Variants in MED12L observed in about 807,000 individuals in gnomAD.
MED12L encodes mediator of RNA polymerase II transcription subunit 12-like protein.
MED12L carries 60 observed loss-of-function variants against 281.3 expected under a neutral mutation model. The ratio of observed to expected loss-of-function variants is 0.21; its 90% CI spans 0.17 to 0.26. The LOEUF is 0.26. MED12L is among the 10% of genes least tolerant of loss of function. The pLI, the probability that MED12L is intolerant of heterozygous loss-of-function variation, is 1.00. For synonymous variants in MED12L, 974 were observed against 987.2 expected (o/e 0.99, Z 0.25); for missense variants, 2,146 against 2,680.9 (o/e 0.80, Z 4.41).
intron 16 of MED12L, among the ~76,000 whole-genome samples, chr3:151,347,013 G>A (rs1413093218): frequency 6.6e-6 from 1 of 152,000 alleles, no homozygotes; most frequent in East Asian, 1.9e-4. Context: ...TTTAACTAGT[G>A]GATACATCTT....
intron 16 of MED12L, among the ~76,000 whole-genome samples, chr3:151,280,670 C>G (rs1343126049): frequency 6.6e-6 from 1 of 151,674 alleles, no homozygotes; most frequent in Non-Finnish European, 1.5e-5. Context: ...TTTATTGGCA[C>G]GTAGCAGTAC....
chr3:151,287,715 AAAAGT>A (rs974495228), intron 16 of MED12L, among the ~76,000 whole-genome samples: 1 of 152,172 alleles, frequency 6.6e-6, no homozygotes, highest in Non-Finnish European at 1.5e-5. Context: ...AGGTTTATTA[AAAAGT>A]AAAGCATGTA....
chr3:151,417,576 C>G (rs1167427383), intron 43 of MED12L, among the ~76,000 whole-genome samples: 2 of 149,118 alleles, frequency 1.3e-5, no homozygotes, highest in African/African-American at 4.9e-5. Flanking sequence ...ACCTCCTCCT[C>G]CCAGGTTCAA....
chr3:151,361,309 C>T (rs12487835), intron 21 of MED12L, among the ~76,000 whole-genome samples: 31,139 of 151,822 alleles, frequency 0.21, 3,426 homozygotes, highest in South Asian at 0.31. Flanking sequence ...TTAAAATGAC[C>T]AGTACCCTCA....
Position 151,181,576 on chromosome 3 carries a change from C to CTTTTT in MED12L, c.1495-3731_1495-3727dup, listed in dbSNP as rs57658133. 6.8e-3 allele frequency among the ~76,000 whole-genome samples: 321 copies of CTTTTT among 47,104 alleles called. 10 individuals are homozygous for CTTTTT. Among genetic ancestry groups the CTTTTT allele is most frequent in the East Asian group, 0.013 (20 of 1,564 alleles). 30.9% of individuals were successfully genotyped at this position (47,104 alleles called of 152,430 possible). A position where few individuals can be genotyped will look rare whatever the true frequency, so the allele number is the denominator to read the frequency against. On this transcript the variant is annotated intron_variant, in intron 11 of 44. Transcript: ENST00000687756. ...CATGCCACTGTACTTAGCTCATTGT[C>CTTTTT]TTTTTTTTTTTTTTTTTTTTTTTTT...
At chr3:151,193,716 T>C (rs1355631984) in intron 16 of MED12L, 50 bp downstream of exon 16, 1 of 1,452,936 alleles carries the variant, frequency 6.9e-7, no homozygotes, top group Non-Finnish European at 9.5e-7. Flanking sequence ...TATTATAAGA[T>C]CAATAACTGT....
chr3:151,258,447 A>G (rs1738239331), intron 16 of MED12L, among the ~76,000 whole-genome samples: 1 of 152,210 alleles, frequency 6.6e-6, no homozygotes, highest in Non-Finnish European at 1.5e-5. Context: ...ATGAAATGCT[A>G]TCTGAGGCTG....
At chr3:151,316,292 A>G (rs997694207) in intron 16 of MED12L, 2 of 152,218 alleles carry the variant, frequency 1.3e-5, no homozygotes, top group African/African-American at 4.8e-5. Context: ...TTTGACTTTT[A>G]CTCATCTAAT....
chr3:151,349,070 G>C (rs186283683), intron 16 of MED12L, among the ~76,000 whole-genome samples: 1 of 152,358 alleles, frequency 6.6e-6, no homozygotes, highest in East Asian at 1.9e-4. Flanking sequence ...CCAAAGGATA[G>C]ATTTGGACAT....
intron 5 of MED12L, among the ~76,000 whole-genome samples, chr3:151,153,963 TAA>T (rs950245603): frequency 6.6e-6 from 1 of 152,146 alleles, no homozygotes; most frequent in African/African-American, 2.4e-5. Context: ...TGGTATTTGT[TAA>T]AAGTTCCCGT....
rs1560164442 is a variant in MED12L, at chr3:151,435,425, C to T, written c.*2621C>T. The T allele has an allele frequency of 6.6e-6, 1 of 152,068 alleles. No individual in the cohort carries two copies. Among genetic ancestry groups the T allele is most frequent in the African/African-American group, 2.4e-5 (1 of 41,410 alleles). 9.4% of individuals were successfully genotyped at this position (152,068 alleles called of 1,614,324 possible). A position where few individuals can be genotyped will look rare whatever the true frequency, so the allele number is the denominator to read the frequency against. On this transcript the variant is annotated 3_prime_UTR_variant, in exon 45 of 45. Coordinates refer to ENST00000687756, the MANE Select transcript of MED12L (RefSeq NM_001393769.1). The stretch of plus-strand genomic sequence containing the variant: ...ACTTCCAGCCACAGGGTACTAACAT[C>T]AGACATAAGTTGCAACCAGGTCACA...
intron 16 of MED12L, among the ~76,000 whole-genome samples, chr3:151,325,042 A>G (rs567648750): frequency 2.0e-5 from 3 of 152,226 alleles, no homozygotes; most frequent in Non-Finnish European, 4.4e-5. Context: ...AGAGTTAAGT[A>G]TTTTAGAAAG....
At chr3:151,151,031 C>CTTTTTTTTTTTTGTTTT (rs1718406818) in intron 5 of MED12L, among the ~76,000 whole-genome samples, 1 of 32,880 alleles carries the variant, frequency 3.0e-5, no homozygotes. Context: ...GCTGAAGTAG[C>CTTTTTTTTTTTTGTTTT]TTTTTTTTTT....
chr3:151,225,315 G>A (rs539319456), intron 16 of MED12L, among the ~76,000 whole-genome samples: 3 of 152,134 alleles, frequency 2.0e-5, no homozygotes, highest in Non-Finnish European at 4.4e-5. Context: ...ACAATACTAC[G>A]TATTGAGTCA....
chr3:151,243,085 G>A (rs1221998996), intron 16 of MED12L, among the ~76,000 whole-genome samples: 16 of 151,136 alleles, frequency 1.1e-4, no homozygotes, highest in Admixed American at 1.1e-3. Flanking sequence ...AAAAAGAAAT[G>A]AGCAAAGCCT....
intron 16 of MED12L, among the ~76,000 whole-genome samples, chr3:151,243,913 T>C (rs1375562738): frequency 1.3e-5 from 2 of 148,380 alleles, no homozygotes; most frequent in Non-Finnish European, 3.0e-5. Context: ...AATAAAAGGA[T>C]GGAGGAAGAT....
At chr3:151,204,720 AG>A (rs1726116035) in intron 16 of MED12L, among the ~76,000 whole-genome samples, 1 of 152,218 alleles carries the variant, frequency 6.6e-6, no homozygotes. Context: ...TTTAGAGATG[AG>A]TGGAGTTGAC....
chr3:151,206,114 C>T (rs1053089859), intron 16 of MED12L, among the ~76,000 whole-genome samples: 1 of 148,490 alleles, frequency 6.7e-6, no homozygotes, highest in African/African-American at 2.5e-5. Context: ...TCTTTCCCAC[C>T]TGCGTTAGCC....
chr3:151,219,242 G>C (rs1054608889), intron 16 of MED12L, among the ~76,000 whole-genome samples: 2 of 152,176 alleles, frequency 1.3e-5, no homozygotes, highest in African/African-American at 4.8e-5. Flanking sequence ...ATGTATTACA[G>C]ATAACCTCAG....
Sources: gnomAD v4.1 joint callset for allele counts (sites outside exome capture counted in the v4.1 genomes callset) on GRCh38, gnomAD v4.1.1 for gene constraint, MANE v1.5 for transcripts, NCBI Gene and HGNC (gene_info 2026-07-23, HGNC 2026-07-21) for gene names.